FHAD1: variants seen among roughly 807,000 people sequenced by gnomAD.
FHAD1 encodes the protein forkhead-associated domain-containing protein 1.
In FHAD1, 146 loss-of-function variants were observed where a neutral mutation model predicts 191.3. That is an observed-to-expected ratio of 0.76 (90% CI 0.67 to 0.88). FHAD1 has a LOEUF of 0.88. Among genes scored for constraint, FHAD1 ranks in the 40% least tolerant of loss-of-function variants. The pLI is 0.00. For synonymous variants in FHAD1, 616 were observed against 672.3 expected, an observed-to-expected ratio of 0.92 and a Z score of 1.29; for missense variants, 1,635 against 1,785.8, an observed-to-expected ratio of 0.92 and a Z score of 1.52.
intron 4 of FHAD1, among the ~76,000 whole-genome samples, chr1:15,294,275 T>C (rs1444514520): frequency 3.3e-5 from 5 of 152,200 alleles, no homozygotes; most frequent in African/African-American, 1.2e-4. Context: ...TTGCTTTGCT[T>C]TCGATTTGAA....
intron 9 of FHAD1, among the ~76,000 whole-genome samples, chr1:15,317,539 G>A (rs953068569): frequency 2.0e-5 from 3 of 152,272 alleles, no homozygotes; most frequent in African/African-American, 7.2e-5. Flanking sequence ...TTTCAAGTGA[G>A]TTGATGGGTG....
At chr1:15,269,659 A>T (rs1344244813) in intron 2 of FHAD1, among the ~76,000 whole-genome samples, 1 of 152,224 alleles carries the variant, frequency 6.6e-6, no homozygotes, top group Non-Finnish European at 1.5e-5. Context: ...TGTTCTATAA[A>T]TATCAATTAG....
chr1:15,337,594 A>G (rs1684751406), intron 14 of FHAD1, among the ~76,000 whole-genome samples: 1 of 152,126 alleles, frequency 6.6e-6, no homozygotes, highest in Non-Finnish European at 1.5e-5. Context: ...TCCAGTGGGT[A>G]GAGACCAGGA....
At chr1:15,304,656 T>A (rs1669850644) in intron 6 of FHAD1, among the ~76,000 whole-genome samples, 1 of 152,108 alleles carries the variant, frequency 6.6e-6, no homozygotes, top group South Asian at 2.1e-4. Flanking sequence ...GGTGAAATAA[T>A]TTTTTTCACT....
chr1:15,350,206 G>A (rs544873465), intron 19 of FHAD1, among the ~76,000 whole-genome samples: 10 of 152,368 alleles, frequency 6.6e-5, no homozygotes, highest in African/African-American at 1.9e-4. Context: ...CACAGACACC[G>A]CAGTGAGCAA....
chr1:15,299,219 G>GAAAAAAAAAAAAAAAAAGA (rs796954256), intron 5 of FHAD1, among the ~76,000 whole-genome samples: 3 of 119,480 alleles, frequency 2.5e-5, no homozygotes, highest in African/African-American at 3.7e-5. Context: ...AAAAAAAAAG[G>GAAAAAAAAAAAAAAAAAGA]AAAAAAAAAA....
chr1:15,351,765 A>G (rs948609594), intron 19 of FHAD1, among the ~76,000 whole-genome samples: 1 of 151,104 alleles, frequency 6.6e-6, no homozygotes, highest in Non-Finnish European at 1.5e-5. Context: ...CACAGATTGG[A>G]CCATCTTAAG....
At chr1:15,383,555 C>T (rs1412713842) in intron 31 of FHAD1, 1 of 335,982 alleles carries the variant, frequency 3.0e-6, no homozygotes, top group Admixed American at 3.8e-5. Flanking sequence ...ATTCATCATC[C>T]ACTCCTGCAG....
chr1:15,293,195 G>C (rs74815165), intron 4 of FHAD1, among the ~76,000 whole-genome samples: 173 of 152,220 alleles, frequency 1.1e-3, no homozygotes, highest in Non-Finnish European at 2.0e-3. Context: ...CCAAACCCCT[G>C]TCAAGAACAT....
chr1:15,338,023 C>T (rs762286406), intron 14 of FHAD1, among the ~76,000 whole-genome samples: 24 of 152,142 alleles, frequency 1.6e-4, no homozygotes, highest in Non-Finnish European at 3.4e-4. Context: ...GGCTTGACCT[C>T]ACCCTTCCAT....
Position 15,397,301 on chromosome 1 carries a change from G to A in FHAD1, c.4328G>A (p.Gly1443Glu), listed in dbSNP as rs1258587571. 4.6e-6 allele frequency: 7 copies of A among 1,512,154 alleles called. No individual in the cohort carries two copies. In the Admixed American group the frequency reaches 1.0e-4, roughly 22 times the overall value. 93.7% of individuals were successfully genotyped at this position (1,512,154 alleles called of 1,614,324 possible). A position where few individuals can be genotyped will look rare whatever the true frequency, so the allele number is the denominator to read the frequency against. ...TTTTTCTCTTGCTTGTTAAAGGTTG[G>A]AACCAGAAAAGCCTCCCTAAAGATG... ...NRMQNSNSQV[G>E]TRKASLKMDQ... The change falls in exon 34 of 34, where the codon GGA becomes GAA. Residue 1443 changes from glycine (G) to glutamate (E), a missense_variant. By Grantham distance (98) the Gly-to-Glu change is moderately conservative. Transcript: ENST00000688493.
chr1:15,245,381 T>C (rs1645891904), upstream of FHAD1, among the ~76,000 whole-genome samples: 1 of 152,246 alleles, frequency 6.6e-6, no homozygotes, highest in South Asian at 2.1e-4. Flanking sequence ...ATTGTTTTTA[T>C]TTGCTCTTTT....
intron 3 of FHAD1, among the ~76,000 whole-genome samples, chr1:15,280,124 C>T (rs909550470): frequency 1.3e-5 from 2 of 152,090 alleles, no homozygotes; most frequent in African/African-American, 4.8e-5. Context: ...GTGGCAGTTC[C>T]CATCTTCATG....
intron 25 of FHAD1, among the ~76,000 whole-genome samples, chr1:15,367,995 TCTCA>T (rs1697005774): frequency 6.6e-6 from 1 of 152,094 alleles, no homozygotes; most frequent in South Asian, 2.1e-4. Context: ...TGAGACAGAA[TCTCA>T]CTCACTCTGT....
chr1:15,386,177 GGTGGTTAAATGGT>G (rs1702043801), intron 31 of FHAD1, among the ~76,000 whole-genome samples: 1 of 152,342 alleles, frequency 6.6e-6, no homozygotes, highest in East Asian at 1.9e-4. Context: ...TGCTTCGTGG[GGTGGTTAAATGGT>G]GTGATGCCAG....
chr1:15,394,317 C>CAACT, intron 33 of FHAD1, among the ~76,000 whole-genome samples: 1 of 152,302 alleles, frequency 6.6e-6, no homozygotes, highest in African/African-American at 2.4e-5. Context: ...CTCTGACAGC[C>CAACT]AACTCCACAC....
intron 2 of FHAD1, among the ~76,000 whole-genome samples, chr1:15,260,215 T>C (rs966320290): frequency 4.6e-5 from 7 of 152,154 alleles, no homozygotes; most frequent in African/African-American, 1.7e-4. Flanking sequence ...TGATCCTGGC[T>C]CTGCCCTCTG....
chr1:15,266,257 G>C (rs1359495223), intron 2 of FHAD1, among the ~76,000 whole-genome samples: 1 of 151,888 alleles, frequency 6.6e-6, no homozygotes, highest in Non-Finnish European at 1.5e-5. Context: ...CCACAGGTGT[G>C]CACCACCACA....
rs55698715 is a variant in FHAD1 at position 15,333,824 on chromosome 1, C to CTTTTTTTTT, written c.1906+4301_1906+4309dup. On this transcript the variant is annotated intron_variant, in intron 14 of 33. Transcript: ENST00000688493. ...TGATTACCATCTTTATTTTATTTAT[C>CTTTTTTTTT]TTTTTTTTTTTTTTTTTTTTTTTTT... Among the ~76,000 whole-genome samples the CTTTTTTTTT allele has an allele frequency of 7.7e-5, 5 of 64,812 alleles. 1 individual carries two copies. Among genetic ancestry groups the CTTTTTTTTT allele is most frequent in the Non-Finnish European group, 1.1e-4 (4 of 35,344 alleles). The allele number at this position is 64,812 out of a possible 152,430, so 42.5% of individuals were successfully genotyped here.
Sources: gnomAD v4.1 joint callset for allele counts (sites outside exome capture counted in the v4.1 genomes callset) on GRCh38, gnomAD v4.1.1 for gene constraint, MANE v1.5 for transcripts, NCBI Gene and HGNC (gene_info 2026-07-23, HGNC 2026-07-21) for gene names.